FSTL5: variants seen among roughly 807,000 people sequenced by gnomAD.
FSTL5 encodes the protein follistatin like 5.
In FSTL5, 62 loss-of-function variants were observed where a neutral mutation model predicts 89.1. The observed-to-expected ratio is 0.70, with a 90% CI of 0.57 to 0.86. The LOEUF (loss-of-function observed/expected upper bound fraction) is 0.86, where lower values mean the gene tolerates loss of function less well. FSTL5 is among the 40% of genes least tolerant of loss of function. The pLI is 0.00. For missense variants in FSTL5, 1,057 were observed against 1,001.6 expected (o/e 1.06, Z -0.75); for synonymous variants, 383 against 346.2 (o/e 1.11, Z -1.18).
chr4:161,866,873 T>C (rs1192078574), intron 4 of FSTL5, among the ~76,000 whole-genome samples: 2 of 151,986 alleles, frequency 1.3e-5, no homozygotes, highest in Non-Finnish European at 2.9e-5. Flanking sequence ...AAATAAATGA[T>C]GATTTTTATA....
At chr4:161,458,484 A>C (rs1403965367) in intron 14 of FSTL5, among the ~76,000 whole-genome samples, 5 of 152,236 alleles carry the variant, frequency 3.3e-5, no homozygotes, top group African/African-American at 9.6e-5. Flanking sequence ...TGATTAAAAT[A>C]AAATTATTTC....
chr4:162,140,959 C>T (rs965153012), intron 1 of FSTL5, among the ~76,000 whole-genome samples: 1 of 151,890 alleles, frequency 6.6e-6, no homozygotes, highest in African/African-American at 2.4e-5. Context: ...GTGGTAGGGC[C>T]TGGTGGGAGG....
chr4:161,953,665 T>C (rs934136121), intron 3 of FSTL5, among the ~76,000 whole-genome samples: 7 of 151,632 alleles, frequency 4.6e-5, no homozygotes, highest in Non-Finnish European at 8.9e-5. Flanking sequence ...TACACAATTT[T>C]AGTTAGCCAT....
chr4:161,668,872 G>A (rs1256913760), intron 6 of FSTL5, among the ~76,000 whole-genome samples: 1 of 152,080 alleles, frequency 6.6e-6, no homozygotes, highest in Non-Finnish European at 1.5e-5. Flanking sequence ...AGCACTTTGG[G>A]AGGCTGAGGT....
At chr4:161,448,147 T>C (rs1733015813) in intron 15 of FSTL5, among the ~76,000 whole-genome samples, 1 of 152,144 alleles carries the variant, frequency 6.6e-6, no homozygotes, top group Admixed American at 6.6e-5. Flanking sequence ...TTTGTTAGTT[T>C]ATTTCTCTTT....
At chr4:161,650,496 G>A (rs1736300211) in intron 7 of FSTL5, among the ~76,000 whole-genome samples, 1 of 152,154 alleles carries the variant, frequency 6.6e-6, no homozygotes, top group South Asian at 2.1e-4. Flanking sequence ...TACCTGTAGA[G>A]TGGTTGAGTT....
At chr4:161,678,212 A>G (rs2126705661) in intron 6 of FSTL5, among the ~76,000 whole-genome samples, 1 of 151,908 alleles carries the variant, frequency 6.6e-6, no homozygotes, top group East Asian at 1.9e-4. Flanking sequence ...ATATGTGTGT[A>G]TGTGTATATA....
chr4:162,013,465 C>T (rs1317162998), intron 3 of FSTL5, among the ~76,000 whole-genome samples: 1 of 152,078 alleles, frequency 6.6e-6, no homozygotes, highest in South Asian at 2.1e-4. Context: ...AATCCAGGAA[C>T]ACTAGAATAG....
chr4:161,552,411 C>T (rs1304979608), intron 8 of FSTL5: 1 of 151,708 alleles, frequency 6.6e-6, no homozygotes, highest in East Asian at 2.0e-4. Flanking sequence ...GAAGGAAGCA[C>T]ATCAATCACC....
chr4:161,562,177 G>A (rs543214271), intron 8 of FSTL5, among the ~76,000 whole-genome samples: 1 of 151,958 alleles, frequency 6.6e-6, no homozygotes, highest in East Asian at 1.9e-4. Flanking sequence ...TTTCAGTTTT[G>A]TTCTATTGAT....
chr4:161,812,517 A>AACAC (rs3077014), intron 4 of FSTL5, among the ~76,000 whole-genome samples: 68,939 of 151,062 alleles, frequency 0.46, 15,742 homozygotes, highest in South Asian at 0.51. Context: ...AGTTAAGAAA[A>AACAC]ACACACACAC....
intron 7 of FSTL5, among the ~76,000 whole-genome samples, chr4:161,604,882 G>A (rs1434057378): frequency 6.6e-6 from 1 of 152,174 alleles, no homozygotes; most frequent in Non-Finnish European, 1.5e-5. Flanking sequence ...GAACCAGAAA[G>A]AGAAACTCCT....
chr4:162,143,171 T>C (rs1421519994), intron 1 of FSTL5, among the ~76,000 whole-genome samples: 1 of 142,262 alleles, frequency 7.0e-6, no homozygotes, highest in African/African-American at 2.5e-5. Context: ...CCTCTATTTT[T>C]TTTCCATAAT....
At chr4:161,607,109 G>A (rs1430905523) in intron 7 of FSTL5, among the ~76,000 whole-genome samples, 5 of 152,062 alleles carry the variant, frequency 3.3e-5, no homozygotes, top group South Asian at 2.1e-4. Context: ...CAAACAGTGC[G>A]CTAACCCACA....
chr4:161,596,789 A>T lies in FSTL5; in HGVS notation c.895-9214T>A, dbSNP rs983424435. ...AAGTTTTTACAGTCACTCTTGAAAAAGTTTTGAATGGAGTAAAATGAGCTG... is the reference window on the plus strand; with the variant it reads ...AAGTTTTTACAGTCACTCTTGAAAATGTTTTGAATGGAGTAAAATGAGCTG... On this transcript the variant is annotated intron_variant, in intron 7 of 15. Coordinates refer to ENST00000306100, the MANE Select transcript of FSTL5 (RefSeq NM_020116.5). Among the ~76,000 whole-genome samples, 5 of 152,232 alleles carry T rather than the reference A, an allele frequency of 3.3e-5. No individual in the cohort carries two copies. The East Asian group carries it at 9.7e-4, about 29-fold the overall frequency.
rs1249189731 is a variant in FSTL5 at position 161,498,111 on chromosome 4, G to A, written c.1458+1905C>T. 2.6e-5 allele frequency among the ~76,000 whole-genome samples: 4 copies of A among 151,400 alleles called. No homozygotes were observed. The East Asian group carries it at 5.8e-4, about 22-fold the overall frequency. ...ACATATACATATATATGTATACATA[G>A]ATAAATATACATATTTAATTGGATA... is the stretch of plus-strand genomic sequence containing the variant. On this transcript the variant is annotated intron_variant, in intron 12 of 15. Transcript: ENST00000306100.
chr4:162,026,304 C>CTTTTTTTTTTCTTTTTTTTTTTTT (rs1737283331), intron 3 of FSTL5, among the ~76,000 whole-genome samples: 1 of 79,474 alleles, frequency 1.3e-5, no homozygotes, highest in East Asian at 4.2e-4. Context: ...TATGTATTTT[C>CTTTTTTTTTTCTTTTTTTTTTTTT]TTTTTTTTTT....
chr4:161,779,634 CTTT>C (rs1169894016), intron 4 of FSTL5, among the ~76,000 whole-genome samples: 1 of 151,162 alleles, frequency 6.6e-6, no homozygotes. Context: ...CCATATCTCC[CTTT>C]TATCCACTAA....
At chr4:161,726,221 C>CTT in intron 6 of FSTL5, among the ~76,000 whole-genome samples, 1 of 69,248 alleles carries the variant, frequency 1.4e-5, no homozygotes, top group South Asian at 4.9e-4. Context: ...TTTCTTTTTT[C>CTT]TTTTTCTTTT....
Sources: gnomAD v4.1 joint callset for allele counts (sites outside exome capture counted in the v4.1 genomes callset) on GRCh38, gnomAD v4.1.1 for gene constraint, MANE v1.5 for transcripts, NCBI Gene and HGNC (gene_info 2026-07-23, HGNC 2026-07-21) for gene names.